SLC22A9: variants seen among roughly 807,000 people sequenced by gnomAD.
The protein encoded by SLC22A9 is solute carrier family 22 member 9.
In SLC22A9, 64 loss-of-function variants were observed where a neutral mutation model predicts 50.1. The observed-to-expected ratio is 1.28, with a 90% confidence interval of 1.04 to 1.57. SLC22A9 has a LOEUF of 1.57. Ranked by LOEUF, SLC22A9 falls within the 40% of genes most tolerant of loss-of-function variation. The pLI is 0.00. For missense variants in SLC22A9, 757 were observed against 676.1 expected (o/e 1.12, Z -1.33); for synonymous variants, 261 against 242.5 (o/e 1.08, Z -0.71).
chr11:63,397,233 G>A (rs536647611), intron 6 of SLC22A9, among the ~76,000 whole-genome samples: 2 of 152,274 alleles, frequency 1.3e-5, no homozygotes, highest in Non-Finnish European at 2.9e-5. Flanking sequence ...AAACAAATGG[G>A]CATTTTGTCT....
chr11:63,409,373 C>T (rs573602727), intron 9 of SLC22A9, among the ~76,000 whole-genome samples: 1 of 151,418 alleles, frequency 6.6e-6, no homozygotes, highest in Non-Finnish European at 1.5e-5. Flanking sequence ...CCCTGGTCTA[C>T]AGTGGAATAA....
chr11:63,391,298 A>G (rs916007645), intron 6 of SLC22A9, among the ~76,000 whole-genome samples: 3 of 152,124 alleles, frequency 2.0e-5, no homozygotes, highest in Non-Finnish European at 4.4e-5. Context: ...TTCTTCAGCC[A>G]TTGGATGAAA....
chr11:63,374,139 C>G lies in SLC22A9; in HGVS notation c.830+77C>G, dbSNP rs533845241. 30 of 1,384,910 alleles carry G rather than the reference C, an allele frequency of 2.2e-5. No individual in the cohort carries two copies. The African/African-American group carries it at 3.9e-4, about 18-fold the overall frequency. The allele number at this position is 1,384,910 out of a possible 1,614,324, so 85.8% of individuals were successfully genotyped here. A position where few individuals can be genotyped will look rare whatever the true frequency, so the allele number is the denominator to read the frequency against. On this transcript the variant is annotated intron_variant, in intron 4 of 9. Coordinates refer to ENST00000279178, the MANE Select transcript of SLC22A9 (RefSeq NM_080866.3). ...ATGTGGAACTAGGACACCTGAATTT[C>G]TTTTTGTTCTTTGTGTAAACCTGAG...
chr11:63,379,916 C>G lies in SLC22A9; in HGVS notation c.955-2243C>G, dbSNP rs1243319860. On this transcript the variant is annotated intron_variant, in intron 5 of 9. Coordinates refer to ENST00000279178, the MANE Select transcript of SLC22A9 (RefSeq NM_080866.3). ...CTGACTAATTTTTGTATTTTTAGTA[C>G]AGATGGGGTTTCACCATGTTGGCCA... Among the ~76,000 whole-genome samples, 4 of 151,910 alleles carry G rather than the reference C, an allele frequency of 2.6e-5. No individual in the cohort carries two copies. The East Asian group carries it at 7.7e-4, about 29-fold the overall frequency.
intron 6 of SLC22A9, among the ~76,000 whole-genome samples, chr11:63,398,658 C>T (rs1347936783): frequency 6.6e-6 from 1 of 152,208 alleles, no homozygotes; most frequent in Non-Finnish European, 1.5e-5. Context: ...ATCCCCCAAG[C>T]ACACAAAGAT....
intron 6 of SLC22A9, among the ~76,000 whole-genome samples, chr11:63,405,497 A>G (rs1411191876): frequency 6.6e-6 from 1 of 152,216 alleles, no homozygotes; most frequent in Non-Finnish European, 1.5e-5. Flanking sequence ...ACTCCTTTCT[A>G]TGCTAATAAA....
intron 5 of SLC22A9, among the ~76,000 whole-genome samples, chr11:63,379,125 C>T (rs958982994): frequency 9.2e-5 from 14 of 152,104 alleles, no homozygotes; most frequent in African/African-American, 2.4e-4. Context: ...AACCATACTA[C>T]GAGAACACAG....
chr11:63,399,923 C>T (rs953875516), intron 6 of SLC22A9, among the ~76,000 whole-genome samples: 45 of 151,944 alleles, frequency 3.0e-4, no homozygotes, highest in South Asian at 2.1e-4. Flanking sequence ...AAACAATATG[C>T]TCCTAAATGA....
Position 63,373,049 on chromosome 11 carries a change from G to T in SLC22A9, c.507-595G>T, listed in dbSNP as rs544237796. 4.1e-4 allele frequency among the ~76,000 whole-genome samples: 62 copies of T among 151,738 alleles called. 1 individual carries two copies. In the South Asian group the frequency reaches 0.011, roughly 28 times the overall value. ...ATCCTGCCTCACCACAGGCTATATT[G>T]TTCCAGTTGTCTACAGAGAGGACTC... is the stretch of plus-strand genomic sequence containing the variant. On this transcript the variant is annotated intron_variant, in intron 2 of 9. Transcript: ENST00000279178.
chr11:63,378,659 A>T (rs1015208361), intron 5 of SLC22A9, among the ~76,000 whole-genome samples: 1 of 152,192 alleles, frequency 6.6e-6, no homozygotes, highest in Non-Finnish European at 1.5e-5. Context: ...TCTGGTAAAC[A>T]ATTTTAGCAA....
In SLC22A9 at chr11:63,369,940, T is replaced by C; in HGVS notation, c.-117T>C. The C allele has an allele frequency of 2.0e-6, 2 of 1,005,414 alleles. No individual in the cohort carries two copies. Among genetic ancestry groups the C allele is most frequent in the East Asian group, 2.6e-5 (1 of 38,832 alleles). 62.3% of individuals were successfully genotyped at this position (1,005,414 alleles called of 1,614,324 possible). Reference sequence around the variant, plus strand: ...GGAAGCACAGTCGTCAAGAAGAGAGTGGGGTCAGGATCAAAACACATTTAG... The same window carrying C: ...GGAAGCACAGTCGTCAAGAAGAGAGCGGGGTCAGGATCAAAACACATTTAG... On this transcript the variant is annotated 5_prime_UTR_variant, in exon 1 of 10. Transcript: ENST00000279178.
chr11:63,407,689 A>C (rs926933679), intron 7 of SLC22A9, among the ~76,000 whole-genome samples: 2 of 152,104 alleles, frequency 1.3e-5, no homozygotes, highest in African/African-American at 4.8e-5. Flanking sequence ...CCCCATGTCA[A>C]TACTGTGTAT....
chr11:63,376,291 C>T (rs1400395403), intron 5 of SLC22A9, among the ~76,000 whole-genome samples: 1 of 151,998 alleles, frequency 6.6e-6, no homozygotes, highest in Non-Finnish European at 1.5e-5. Flanking sequence ...AATCCAAATC[C>T]CTATTTGTCT....
At chr11:63,381,763 A>T (rs551562064) in intron 5 of SLC22A9, among the ~76,000 whole-genome samples, 12 of 152,294 alleles carry the variant, frequency 7.9e-5, no homozygotes, top group African/African-American at 2.9e-4. Context: ...CACCAGGGGC[A>T]GTGAGCTGAG....
intron 5 of SLC22A9, 135 bp downstream of exon 5, chr11:63,375,903 C>A: frequency 1.8e-6 from 2 of 1,113,512 alleles, no homozygotes; most frequent in Middle Eastern, 2.8e-4. Context: ...ACCTCACTAT[C>A]ATTTTTAATG....
chr11:63,410,062 A>T lies in SLC22A9; in HGVS notation c.*200A>T. The T allele has an allele frequency of 2.1e-6, 1 of 467,330 alleles. No homozygotes were observed. The highest frequency in any genetic ancestry group is 2.4e-5 in the South Asian group (1 of 41,582). The allele number at this position is 467,330 out of a possible 1,614,324, so 28.9% of individuals were successfully genotyped here. ...AAGACCACCCTGGCCAACATGGTGAAACCCTGTCTCTACTAAAACAAATAC... is the reference window on the plus strand; with the variant it reads ...AAGACCACCCTGGCCAACATGGTGATACCCTGTCTCTACTAAAACAAATAC... On this transcript the variant is annotated 3_prime_UTR_variant, in exon 10 of 10. Transcript: ENST00000279178.
chr11:63,378,895 C>A (rs1049236905), intron 5 of SLC22A9, among the ~76,000 whole-genome samples: 13 of 152,232 alleles, frequency 8.5e-5, no homozygotes, highest in African/African-American at 2.9e-4. Flanking sequence ...AAAAACATTC[C>A]ATGCTCATGG....
intron 2 of SLC22A9, 66 bp downstream of exon 2, chr11:63,371,304 AT>A (rs2014356420): frequency 7.9e-7 from 1 of 1,264,710 alleles, no homozygotes; most frequent in Non-Finnish European, 1.1e-6. Context: ...ACATTATTTC[AT>A]CTAGAATTAC....
At chr11:63,391,466 T>TTTAA (rs1463800393) in intron 6 of SLC22A9, among the ~76,000 whole-genome samples, 1 of 152,106 alleles carries the variant, frequency 6.6e-6, no homozygotes, top group African/African-American at 2.4e-5. Flanking sequence ...TATCTCTCTC[T>TTTAA]TTAACTCTAT....
Sources: allele counts gnomAD v4.1 joint callset (sites outside exome capture counted in the v4.1 genomes callset), GRCh38; gene constraint gnomAD v4.1.1; transcripts MANE v1.5; gene names NCBI Gene and HGNC (gene_info 2026-07-23, HGNC 2026-07-21).